The following EZR variants were observed in gnomAD, a reference collection of about 807,000 sequenced individuals.
The protein encoded by EZR is ezrin.
Under a neutral mutation model 74.8 loss-of-function variants are expected in EZR, and 40 were observed. That is an observed-to-expected ratio of 0.53 (90% confidence interval 0.42 to 0.70). The LOEUF is 0.70. Ranked by LOEUF, EZR falls within the 30% of genes least tolerant of loss-of-function variation. The pLI, the probability that EZR is intolerant of heterozygous loss-of-function variation, is 0.00. For synonymous variants in EZR, 341 were observed against 283.3 expected (o/e 1.20, Z -2.05); for missense variants, 678 against 755.8 (o/e 0.90, Z 1.21).
rs1791031498 is a variant in EZR, at chr6:158,769,560, G to A, written c.1252-142C>T. ...CCACCCCCACTCCATGGCCAGCAGG[G>A]TCCATTGTGCACCCCCGGCATCTCT... is the stretch of plus-strand genomic sequence containing the variant. On this transcript the variant is annotated intron_variant, in intron 11 of 13. Coordinates refer to ENST00000367075, the MANE Select transcript of EZR (RefSeq NM_001111077.2). 5.8e-6 allele frequency: 6 copies of A among 1,043,240 alleles called. No homozygotes were observed. The South Asian group carries it at 7.2e-5, about 13-fold the overall frequency. 64.6% of individuals were successfully genotyped at this position (1,043,240 alleles called of 1,614,324 possible). A position where few individuals can be genotyped will look rare whatever the true frequency, so the allele number is the denominator to read the frequency against.
chr6:158,778,162 A>C (rs114176116), intron 7 of EZR, among the ~76,000 whole-genome samples: 2,455 of 152,290 alleles, frequency 0.016, 56 homozygotes, highest in African/African-American at 0.056. Context: ...CCAACAGAGA[A>C]GCTAGGATCC....
intron 2 of EZR, among the ~76,000 whole-genome samples, chr6:158,799,067 A>T (rs889593991): frequency 6.6e-5 from 10 of 152,172 alleles, no homozygotes; most frequent in African/African-American, 2.4e-4. Flanking sequence ...CTGCTCACAA[A>T]AACATGACAA....
chr6:158,795,693 T>G (rs926783749), intron 2 of EZR, among the ~76,000 whole-genome samples: 6 of 152,158 alleles, frequency 3.9e-5, no homozygotes. Flanking sequence ...TGAAGATGGG[T>G]GTGCCTCAGT....
intron 2 of EZR, chr6:158,817,875 G>A (rs1777593384): frequency 6.6e-6 from 3 of 451,816 alleles, no homozygotes; most frequent in East Asian, 6.6e-5. Flanking sequence ...AGACTGCAGA[G>A]AAAAGCATCA....
chr6:158,817,071 A>G (rs1382880745), intron 2 of EZR, among the ~76,000 whole-genome samples: 1 of 152,130 alleles, frequency 6.6e-6, no homozygotes, highest in African/African-American at 2.4e-5. Flanking sequence ...GGCCACAGAG[A>G]GAGACTCCGC....
intron 5 of EZR, among the ~76,000 whole-genome samples, chr6:158,785,081 T>C (rs950535966): frequency 3.3e-5 from 5 of 152,224 alleles, no homozygotes; most frequent in East Asian, 1.9e-4. Flanking sequence ...AAGTTTGCTA[T>C]GCCATGTCCC....
chr6:158,813,410 A>G (rs1213043077), intron 2 of EZR, among the ~76,000 whole-genome samples: 1 of 152,246 alleles, frequency 6.6e-6, no homozygotes, highest in African/African-American at 2.4e-5. Context: ...AAATCCACTG[A>G]CAGGGACTGT....
Position 158,814,227 on chromosome 6 carries a change from G to A in EZR, c.12+3855C>T, listed in dbSNP as rs553943817. Among the ~76,000 whole-genome samples the A allele has an allele frequency of 1.8e-4, 28 of 152,296 alleles. 1 individual carries two copies. The highest frequency in any genetic ancestry group is 1.6e-3 in the Admixed American group (25 of 15,288). On this transcript the variant is annotated intron_variant, in intron 2 of 13. Coordinates refer to ENST00000367075, the MANE Select transcript of EZR (RefSeq NM_001111077.2). ...GAGTCCCTAAGCAGCTGTGGGAAAA[G>A]CAAAACCAGACAACAAACCACAGCT...
chr6:158,806,157 G>A (rs930057695), intron 2 of EZR, among the ~76,000 whole-genome samples: 1 of 152,186 alleles, frequency 6.6e-6, no homozygotes, highest in Non-Finnish European at 1.5e-5. Context: ...TGTGCATGGA[G>A]GGTGAGATGG....
intron 10 of EZR, 140 bp from the exon 11 acceptor site, chr6:158,770,084 G>GAA: frequency 2.6e-6 from 3 of 1,141,652 alleles, no homozygotes; most frequent in Non-Finnish European, 3.7e-6. Context: ...GACCCTGGAG[G>GAA]AAAGCACTTC....
chr6:158,767,131 C>CCGT, intron 13 of EZR, 53 bp from the exon 14 acceptor site: 1 of 1,603,492 alleles, frequency 6.2e-7, no homozygotes, highest in Non-Finnish European at 8.5e-7. Flanking sequence ...ATGGCCCGGC[C>CCGT]CGTCCCCTAG....
At chr6:158,795,398 C>G (rs1187212668) in intron 2 of EZR, among the ~76,000 whole-genome samples, 1 of 151,196 alleles carries the variant, frequency 6.6e-6, no homozygotes, top group Non-Finnish European at 1.5e-5. Context: ...ATAGCAAGAA[C>G]CCATCTCTAA....
chr6:158,775,711 C>A (rs1791256353), intron 8 of EZR, among the ~76,000 whole-genome samples: 1 of 152,192 alleles, frequency 6.6e-6, no homozygotes. Context: ...AAAATCCTTA[C>A]CCATTCTACA....
intron 4 of EZR, among the ~76,000 whole-genome samples, chr6:158,786,741 T>C (rs1791592861): frequency 6.6e-6 from 1 of 152,216 alleles, no homozygotes; most frequent in African/African-American, 2.4e-5. Flanking sequence ...AATGGAATTA[T>C]CCACTCTTTA....
intron 7 of EZR, among the ~76,000 whole-genome samples, chr6:158,781,379 G>A (rs1410462987): frequency 6.6e-6 from 1 of 152,144 alleles, no homozygotes; most frequent in Admixed American, 6.5e-5. Context: ...AGAACCATCT[G>A]AGAGAGTTGC....
At chr6:158,804,118 A>C (rs966183150) in intron 2 of EZR, among the ~76,000 whole-genome samples, 1 of 152,136 alleles carries the variant, frequency 6.6e-6, no homozygotes, top group South Asian at 2.1e-4. Context: ...TGGCGTATGA[A>C]AATAATGCTC....
intron 2 of EZR, among the ~76,000 whole-genome samples, chr6:158,803,151 G>T (rs1193011809): frequency 6.6e-6 from 1 of 151,800 alleles, no homozygotes; most frequent in East Asian, 1.9e-4. Flanking sequence ...ACGTTAACAG[G>T]GCAGAGTATT....
chr6:158,812,843 C>T (rs554591897), intron 2 of EZR, among the ~76,000 whole-genome samples: 3 of 152,182 alleles, frequency 2.0e-5, no homozygotes, highest in Non-Finnish European at 4.4e-5. Flanking sequence ...CGACACCACC[C>T]TTGGCCCTGC....
intron 2 of EZR, among the ~76,000 whole-genome samples, chr6:158,797,227 G>A (rs895724609): frequency 6.6e-6 from 1 of 152,142 alleles, no homozygotes; most frequent in Admixed American, 6.5e-5. Flanking sequence ...AAACATTACA[G>A]GAGAGCAACC....
Sources: allele counts gnomAD v4.1 joint callset (sites outside exome capture counted in the v4.1 genomes callset), GRCh38; gene constraint gnomAD v4.1.1; transcripts MANE v1.5; gene names NCBI Gene and HGNC (gene_info 2026-07-23, HGNC 2026-07-21).